The following SAMSN1 variants were observed in gnomAD, a reference collection of about 807,000 sequenced individuals.
SAMSN1 encodes the protein SAM domain, SH3 domain and nuclear localization signals 1.
A neutral mutation model predicts 42.0 loss-of-function variants in SAMSN1; 31 were observed. That is an observed-to-expected ratio of 0.74 (90% CI 0.55 to 1.00). The LOEUF (loss-of-function observed/expected upper bound fraction) is 1.00. SAMSN1 is among the 50% of genes least tolerant of loss of function. The pLI, the probability that SAMSN1 is intolerant of heterozygous loss-of-function variation, is 0.00. For missense variants in SAMSN1, 464 were observed against 439.4 expected (o/e 1.06, Z -0.50); for synonymous variants, 178 against 151.9 (o/e 1.17, Z -1.26).
chr21:14,518,135 A>G (rs751673205), intron 2 of SAMSN1, among the ~76,000 whole-genome samples: 8 of 152,212 alleles, frequency 5.3e-5, no homozygotes, highest in Non-Finnish European at 1.0e-4. Context: ...ATATCCAAGA[A>G]TTTCTTCCTT....
chr21:14,614,147 TTTGTC>T (rs1273388628), intron 3 of SAMSN1, among the ~76,000 whole-genome samples: 1 of 152,188 alleles, frequency 6.6e-6, no homozygotes, highest in African/African-American at 2.4e-5. Context: ...TTTAATGTCA[TTTGTC>T]TTGTTTTGTT....
chr21:14,549,605 A>G (rs1019744975), upstream of SAMSN1, among the ~76,000 whole-genome samples: 1 of 152,146 alleles, frequency 6.6e-6, no homozygotes, highest in Non-Finnish European at 1.5e-5. Flanking sequence ...CAGAGAGACC[A>G]ATTTCAAGAA....
intron 2 of SAMSN1, among the ~76,000 whole-genome samples, chr21:14,618,708 G>A (rs1243232639): frequency 6.0e-5 from 9 of 150,556 alleles, no homozygotes; most frequent in Non-Finnish European, 8.8e-5. Flanking sequence ...GCGCGCACGC[G>A]CGTGTGTGTG....
intron 2 of SAMSN1, among the ~76,000 whole-genome samples, chr21:14,642,525 G>A (rs1983620088): frequency 1.3e-5 from 2 of 152,154 alleles, no homozygotes; most frequent in Middle Eastern, 3.4e-3. Flanking sequence ...TTAAACTATG[G>A]GTAGCTTGAA....
At chr21:14,528,918 C>T (rs1979057294) in intron 1 of SAMSN1, among the ~76,000 whole-genome samples, 1 of 152,120 alleles carries the variant, frequency 6.6e-6, no homozygotes, top group South Asian at 2.1e-4. Flanking sequence ...ATTAGATAAA[C>T]ACAATCCCCC....
At chr21:14,520,742 G>T (rs1425507408) in intron 2 of SAMSN1, among the ~76,000 whole-genome samples, 1 of 152,126 alleles carries the variant, frequency 6.6e-6, no homozygotes, top group East Asian at 1.9e-4. Flanking sequence ...TGGGGGAAGG[G>T]GACGGAGCTA....
intron 7 of SAMSN1, among the ~76,000 whole-genome samples, chr21:14,494,522 A>G (rs1037251846): frequency 9.2e-5 from 14 of 152,162 alleles, no homozygotes; most frequent in Non-Finnish European, 2.1e-4. Flanking sequence ...ACACATGGAC[A>G]CAGGGAGGGG....
chr21:14,532,396 C>A (rs1274865621), intron 1 of SAMSN1, among the ~76,000 whole-genome samples: 2 of 151,996 alleles, frequency 1.3e-5, no homozygotes, highest in Non-Finnish European at 2.9e-5. Context: ...TATGTCATCC[C>A]AAATAGAGGA....
In SAMSN1 at chr21:14,485,794, T is replaced by G; in HGVS notation, c.*118A>C. The G allele has an allele frequency of 1.3e-6, 1 of 781,718 alleles. No individual in the cohort carries two copies. Among genetic ancestry groups the G allele is most frequent in the East Asian group, 2.7e-5 (1 of 37,664 alleles). 48.4% of individuals were successfully genotyped at this position (781,718 alleles called of 1,614,324 possible). ...ATGTACAATTATTCAGATTAAAACA[T>G]TTAAACTTTAGGTTTTATTTACAAA... On this transcript the variant is annotated 3_prime_UTR_variant, in exon 8 of 8. Transcript: ENST00000400566.
chr21:14,512,943 C>T (rs1438688111), intron 3 of SAMSN1, among the ~76,000 whole-genome samples: 3 of 152,148 alleles, frequency 2.0e-5, no homozygotes, highest in Non-Finnish European at 4.4e-5. Context: ...TATTTACCAC[C>T]ATTACTAATC....
chr21:14,527,982 T>C (rs1978989906), intron 1 of SAMSN1, among the ~76,000 whole-genome samples: 1 of 152,140 alleles, frequency 6.6e-6, no homozygotes, highest in Non-Finnish European at 1.5e-5. Context: ...TGAAAGGAGT[T>C]CTTAAATAAT....
chr21:14,614,236 A>G (rs1982776472), intron 3 of SAMSN1, among the ~76,000 whole-genome samples: 1 of 152,176 alleles, frequency 6.6e-6, no homozygotes. Context: ...ACACTGAAGC[A>G]TGAAATTATG....
At chr21:14,572,525 G>A (rs1981332558) in intron 2 of SAMSN1, among the ~76,000 whole-genome samples, 1 of 152,168 alleles carries the variant, frequency 6.6e-6, no homozygotes, top group Non-Finnish European at 1.5e-5. Context: ...GGAGGATTAT[G>A]TTCAGCATCA....
chr21:14,593,795 C>A (rs1447377549), intron 7 of SAMSN1: 4 of 351,270 alleles, frequency 1.1e-5, no homozygotes, highest in Non-Finnish European at 2.0e-5. Context: ...ATATAACAAC[C>A]TTTCCTTCTT....
intron 2 of SAMSN1, among the ~76,000 whole-genome samples, chr21:14,554,696 TTC>T (rs1381776673): frequency 8.1e-6 from 1 of 123,558 alleles, no homozygotes; most frequent in East Asian, 2.8e-4. Context: ...TGTTTTCTTT[TTC>T]TTTTTTTTTT....
chr21:14,571,537 G>C (rs557422180), intron 2 of SAMSN1, among the ~76,000 whole-genome samples: 1 of 152,148 alleles, frequency 6.6e-6, no homozygotes, highest in Admixed American at 6.5e-5. Flanking sequence ...TCCCAGGAAG[G>C]AGAGGGAACA....
intron 2 of SAMSN1, among the ~76,000 whole-genome samples, chr21:14,617,996 T>C (rs982543774): frequency 6.6e-6 from 1 of 152,230 alleles, no homozygotes; most frequent in Admixed American, 6.5e-5. Flanking sequence ...AGGAACATAA[T>C]TAGCTTCCGG....
intron 7 of SAMSN1, among the ~76,000 whole-genome samples, chr21:14,486,322 A>G (rs947388555): frequency 1.3e-5 from 2 of 152,148 alleles, no homozygotes; most frequent in Non-Finnish European, 2.9e-5. Context: ...TTAGAAGCCA[A>G]AATTTGCCCT....
At chr21:14,501,785 A>G (rs1987166489) in intron 5 of SAMSN1, among the ~76,000 whole-genome samples, 1 of 152,230 alleles carries the variant, frequency 6.6e-6, no homozygotes, top group Non-Finnish European at 1.5e-5. Flanking sequence ...AAGAGATAAC[A>G]TTTAGATTGA....
Sources: gnomAD v4.1 joint callset for allele counts (sites outside exome capture counted in the v4.1 genomes callset) on GRCh38, gnomAD v4.1.1 for gene constraint, MANE v1.5 for transcripts, NCBI Gene and HGNC (gene_info 2026-07-23, HGNC 2026-07-21) for gene names.